The following HIPK2 variants were observed in gnomAD, a reference collection of about 807,000 sequenced individuals.
HIPK2 encodes the protein homeodomain-interacting protein kinase 2.
A neutral mutation model predicts 113.7 loss-of-function variants in HIPK2; 27 were observed. The ratio of observed to expected loss-of-function variants is 0.24; its 90% CI spans 0.17 to 0.33. HIPK2 has a LOEUF of 0.33. HIPK2 is among the 10% of genes least tolerant of loss of function. The pLI is 1.00. For missense variants in HIPK2, 1,257 were observed against 1,588.0 expected (o/e 0.79, Z 3.54); for synonymous variants, 631 against 642.2 (o/e 0.98, Z 0.26).
intron 1 of HIPK2, among the ~76,000 whole-genome samples, chr7:139,731,599 C>A (rs1161319738): frequency 6.6e-6 from 1 of 152,182 alleles, no homozygotes; most frequent in Non-Finnish European, 1.5e-5. Flanking sequence ...CCCTTGTACT[C>A]ATGTTTATGT....
chr7:139,671,480 G>A (rs1802296210), intron 2 of HIPK2, among the ~76,000 whole-genome samples: 1 of 152,172 alleles, frequency 6.6e-6, no homozygotes, highest in South Asian at 2.1e-4. Context: ...GAAAATTGAA[G>A]ATGATTAAGA....
intron 13 of HIPK2, among the ~76,000 whole-genome samples, chr7:139,583,173 G>A (rs1045721619): frequency 6.6e-6 from 1 of 152,232 alleles, no homozygotes; most frequent in Non-Finnish European, 1.5e-5. Flanking sequence ...CAAGGGAAAC[G>A]CTAAATAGAT....
rs1370119060 is a variant in HIPK2, at chr7:139,670,747, CTTTCTTTCTTTCTTTTTT to C, written c.1104-39040_1104-39023del. On this transcript the variant is annotated intron_variant, in intron 2 of 14. Coordinates refer to ENST00000406875, the MANE Select transcript of HIPK2 (RefSeq NM_022740.5). ...TTCTTTTTCTTTTCTTTCTTTCTTT[CTTTCTTTCTTTCTTTTTT>C]TTTTTTTTTTTTTTTTGAGGCAGAG... is the stretch of plus-strand genomic sequence containing the variant. 9.1e-4 allele frequency among the ~76,000 whole-genome samples: 68 copies of C among 74,800 alleles called. 1 individual carries two copies. Among genetic ancestry groups the C allele is most frequent in the African/African-American group, 4.2e-3 (60 of 14,446 alleles). 49.1% of individuals were successfully genotyped at this position (74,800 alleles called of 152,430 possible). A position where few individuals can be genotyped will look rare whatever the true frequency, so the allele number is the denominator to read the frequency against.
intron 12 of HIPK2, among the ~76,000 whole-genome samples, chr7:139,587,488 C>CA (rs1213368741): frequency 0.033 from 1,410 of 42,642 alleles, 12 homozygotes; most frequent in East Asian, 0.058. Flanking sequence ...GACTGTGTCT[C>CA]AAAAAAAAAA....
chr7:139,723,643 T>C (rs1429025440), intron 1 of HIPK2, among the ~76,000 whole-genome samples: 1 of 152,226 alleles, frequency 6.6e-6, no homozygotes, highest in Non-Finnish European at 1.5e-5. Flanking sequence ...TAACATTTCC[T>C]TTCCATTTCA....
chr7:139,742,725 T>C (rs1338345586), intron 1 of HIPK2, among the ~76,000 whole-genome samples: 1 of 152,182 alleles, frequency 6.6e-6, no homozygotes, highest in Non-Finnish European at 1.5e-5. Context: ...TGCCAGAATG[T>C]TCAGAGAAGC....
chr7:139,707,749 T>A lies in HIPK2; in HGVS notation c.1103+8183A>T, dbSNP rs148177579. 3.0e-3 allele frequency among the ~76,000 whole-genome samples: 457 copies of A among 152,318 alleles called. 2 individuals are homozygous for A. The highest frequency in any genetic ancestry group is 0.01 in the African/African-American group (433 of 41,568). The stretch of plus-strand genomic sequence containing the variant: ...TTCAAAAAATTACCTGTTGGATGCA[T>A]ACATGAGAGTTACAGCTCCAAACCC... On this transcript the variant is annotated intron_variant, in intron 2 of 14. Coordinates refer to ENST00000406875, the MANE Select transcript of HIPK2 (RefSeq NM_022740.5).
chr7:139,677,834 C>G (rs944332750), intron 2 of HIPK2, among the ~76,000 whole-genome samples: 4 of 152,284 alleles, frequency 2.6e-5, no homozygotes, highest in East Asian at 3.9e-4. Flanking sequence ...ACACTCCCAA[C>G]AACAGTGTGA....
At chr7:139,612,641 T>C (rs2116777273) in intron 9 of HIPK2, among the ~76,000 whole-genome samples, 1 of 152,336 alleles carries the variant, frequency 6.6e-6, no homozygotes, top group South Asian at 2.1e-4. Context: ...TATCATTGCA[T>C]CACTACTGTT....
chr7:139,743,126 T>C (rs1270271074), intron 1 of HIPK2, among the ~76,000 whole-genome samples: 3 of 152,064 alleles, frequency 2.0e-5, no homozygotes, highest in Admixed American at 6.5e-5. Flanking sequence ...AAAGAAAACC[T>C]AAGAGGCTTT....
intron 7 of HIPK2, among the ~76,000 whole-genome samples, chr7:139,619,953 C>T (rs905989796): frequency 3.3e-5 from 5 of 152,086 alleles, no homozygotes; most frequent in South Asian, 4.2e-4. Flanking sequence ...GTAGAGATGG[C>T]GTCTCACTGT....
At chr7:139,770,183 T>C (rs1407187783) in intron 1 of HIPK2, among the ~76,000 whole-genome samples, 2 of 152,218 alleles carry the variant, frequency 1.3e-5, no homozygotes, top group African/African-American at 4.8e-5. Context: ...CAGAGCCCTA[T>C]AAATCTTTCA....
At position 139,604,119 on chromosome 7, in the gene HIPK2, G is replaced by A. The variant is rs367887863; in HGVS notation, c.2217C>T (p.Pro739=). ...GCTGCTGGGTGCCTGCCATGGTCTC[G>A]GGAATCACGGTGGCATGCTGCACTG... ...HTSVQHATVI[P]ETMAGTQQLA... The change falls in exon 10 of 15, where the codon CCC becomes CCT. Residue 739 remains proline (P), a synonymous_variant. Transcript: ENST00000406875. 1.1e-5 allele frequency: 17 copies of A among 1,613,794 alleles called. No individual in the cohort carries two copies. The highest frequency in any genetic ancestry group is 2.2e-5 in the East Asian group (1 of 44,876).
At chr7:139,596,642 G>A in intron 12 of HIPK2, 75 bp downstream of exon 12, 1 of 1,543,740 alleles carries the variant, frequency 6.5e-7, no homozygotes, top group Non-Finnish European at 8.8e-7. Flanking sequence ...GTTTGATGAT[G>A]GAAGATGGTC....
intron 13 of HIPK2, 148 bp from the exon 14 acceptor site, chr7:139,575,436 A>AC (rs1798458485): frequency 1.4e-5 from 13 of 909,242 alleles, no homozygotes; most frequent in Middle Eastern, 4.8e-4. Flanking sequence ...CCCCGGACCC[A>AC]CTAGGACTTT....
At chr7:139,734,727 G>A (rs1795890365) in intron 1 of HIPK2, among the ~76,000 whole-genome samples, 1 of 152,090 alleles carries the variant, frequency 6.6e-6, no homozygotes, top group African/African-American at 2.4e-5. Context: ...ACACACCCAG[G>A]GGACCACTGA....
At chr7:139,593,322 T>TAGTGCGGGTGGAACACCC (rs1585249101) in intron 12 of HIPK2, among the ~76,000 whole-genome samples, 1 of 152,284 alleles carries the variant, frequency 6.6e-6, no homozygotes, top group East Asian at 1.9e-4. Flanking sequence ...ATGGAGGAGC[T>TAGTGCGGGTGGAACACCC]AGTGCGGGTG....
At position 139,777,789 on chromosome 7, in the gene HIPK2, G is replaced by T; in HGVS notation, c.-166C>A. On this transcript the variant is annotated 5_prime_UTR_variant, in exon 1 of 15. Coordinates refer to ENST00000406875, the MANE Select transcript of HIPK2 (RefSeq NM_022740.5). ...TCACCGCCTCCCGTGGCCGGCGCCG[G>T]GGGAGGGGGCCGGGCGCGCCGCCGC... The T allele has an allele frequency of 3.7e-6, 2 of 540,868 alleles. No homozygotes were observed. Among genetic ancestry groups the T allele is most frequent in the Non-Finnish European group, 4.7e-6 (2 of 424,860 alleles). 33.5% of individuals were successfully genotyped at this position (540,868 alleles called of 1,614,324 possible).
chr7:139,703,660 C>T (rs1038822129), intron 2 of HIPK2, among the ~76,000 whole-genome samples: 1 of 151,784 alleles, frequency 6.6e-6, no homozygotes, highest in Non-Finnish European at 1.5e-5. Context: ...GATACACACA[C>T]AGCAGCACAT....
Sources: allele counts gnomAD v4.1 joint callset (sites outside exome capture counted in the v4.1 genomes callset), GRCh38; gene constraint gnomAD v4.1.1; transcripts MANE v1.5; gene names NCBI Gene and HGNC (gene_info 2026-07-23, HGNC 2026-07-21).